The following BACH2 variants were observed in gnomAD, a reference collection of about 807,000 sequenced individuals.
BACH2 encodes BACH transcriptional regulator 2.
A neutral mutation model predicts 61.8 loss-of-function variants in BACH2; 5 were observed. The observed-to-expected ratio is 0.08, with a 90% confidence interval of 0.04 to 0.17. BACH2 has a LOEUF of 0.17. Among genes scored for constraint, BACH2 ranks in the 10% least tolerant of loss-of-function variants. The pLI is 1.00. For synonymous variants in BACH2, 446 were observed against 440.1 expected, an observed-to-expected ratio of 1.01 and a Z score of -0.17; for missense variants, 824 against 1,091.1, an observed-to-expected ratio of 0.76 and a Z score of 3.45.
intron 4 of BACH2, among the ~76,000 whole-genome samples, chr6:90,165,269 AACAG>A (rs1408357275): frequency 7.9e-5 from 12 of 152,200 alleles, no homozygotes; most frequent in Non-Finnish European, 1.5e-4. Flanking sequence ...ATACACCAAT[AACAG>A]ACAAACAGCC....
intron 5 of BACH2, among the ~76,000 whole-genome samples, chr6:90,012,868 G>A (rs1777802703): frequency 6.6e-6 from 1 of 151,894 alleles, no homozygotes; most frequent in Non-Finnish European, 1.5e-5. Flanking sequence ...GGTTTTGCCA[G>A]GTTGGCCAGA....
chr6:90,030,661 T>C (rs1228304187), intron 5 of BACH2, among the ~76,000 whole-genome samples: 3 of 152,056 alleles, frequency 2.0e-5, no homozygotes, highest in African/African-American at 2.4e-5. Flanking sequence ...CAGGAACAAG[T>C]TGAATCTCTG....
intron 2 of BACH2, among the ~76,000 whole-genome samples, chr6:90,265,773 T>C (rs1342617479): frequency 6.6e-6 from 1 of 152,132 alleles, no homozygotes; most frequent in East Asian, 1.9e-4. Flanking sequence ...ATCAACTCAT[T>C]TTAAACTTAA....
intron 1 of BACH2, among the ~76,000 whole-genome samples, chr6:90,295,830 G>A (rs1772343035): frequency 6.6e-6 from 1 of 152,136 alleles, no homozygotes; most frequent in Non-Finnish European, 1.5e-5. Context: ...GGTCTGCGCC[G>A]CGAGGCCCCC....
chr6:90,150,873 C>G (rs1784790034), intron 4 of BACH2, among the ~76,000 whole-genome samples: 2 of 152,170 alleles, frequency 1.3e-5, no homozygotes, highest in African/African-American at 4.8e-5. Flanking sequence ...GGATGTCAGT[C>G]AGTCAGTCAG....
Position 90,127,969 on chromosome 6 carries a change from G to C in BACH2, c.-161-38860C>G, listed in dbSNP as rs1783927328. On this transcript the variant is annotated intron_variant, in intron 4 of 8. Coordinates refer to ENST00000257749, the MANE Select transcript of BACH2 (RefSeq NM_021813.4). ...ATCTATTGAAAGTAAGGTTTGCATG[G>C]AGCTAACCCCAAGGAAAACTGTGGA... Among the ~76,000 whole-genome samples the C allele has an allele frequency of 2.6e-5, 4 of 152,290 alleles. No individual in the cohort carries two copies. In the South Asian group the frequency reaches 8.3e-4, roughly 32 times the overall value.
chr6:90,222,751 C>T (rs1582503816), intron 3 of BACH2, among the ~76,000 whole-genome samples: 1 of 152,034 alleles, frequency 6.6e-6, no homozygotes, highest in East Asian at 1.9e-4. Flanking sequence ...GTCTCCTTGC[C>T]CCTAGTTTCA....
chr6:90,181,727 G>A (rs954607402), intron 4 of BACH2, among the ~76,000 whole-genome samples: 9 of 151,964 alleles, frequency 5.9e-5, no homozygotes, highest in Admixed American at 4.6e-4. Flanking sequence ...GACCAGCTAC[G>A]GCACCACCAT....
chr6:90,238,801 C>T lies in BACH2; in HGVS notation c.-275+13712G>A, dbSNP rs201705680. On this transcript the variant is annotated intron_variant, in intron 3 of 8. Transcript: ENST00000257749. ...CCTGTGACAAGATGGCTGTTTCTCA[C>T]GGTGTAAGAAATGATGATGTGCTTC... Among the ~76,000 whole-genome samples, 8 of 152,208 alleles carry T rather than the reference C, an allele frequency of 5.3e-5. No homozygotes were observed. The East Asian group carries it at 1.4e-3, about 26-fold the overall frequency.
At chr6:90,177,967 A>G (rs1259201978) in intron 4 of BACH2, among the ~76,000 whole-genome samples, 1 of 152,194 alleles carries the variant, frequency 6.6e-6, no homozygotes, top group South Asian at 2.1e-4. Context: ...GAAAATGTCC[A>G]CTTTTGTTCT....
At chr6:90,143,918 A>G (rs540561669) in intron 4 of BACH2, among the ~76,000 whole-genome samples, 43 of 152,098 alleles carry the variant, frequency 2.8e-4, no homozygotes, top group African/African-American at 9.4e-4. Flanking sequence ...GAGATCTGCT[A>G]TGACATTACT....
At chr6:90,147,936 A>G (rs1784680230) in intron 4 of BACH2, among the ~76,000 whole-genome samples, 1 of 152,220 alleles carries the variant, frequency 6.6e-6, no homozygotes, top group Non-Finnish European at 1.5e-5. Context: ...TTAAAACATT[A>G]AATCAAAAGG....
intron 4 of BACH2, among the ~76,000 whole-genome samples, chr6:90,118,942 A>T (rs1783512027): frequency 6.6e-6 from 1 of 152,238 alleles, no homozygotes; most frequent in Non-Finnish European, 1.5e-5. Context: ...TGGAGATAAT[A>T]GTACTTACCA....
chr6:90,291,214 G>A (rs1023397703), intron 1 of BACH2, among the ~76,000 whole-genome samples: 1 of 152,150 alleles, frequency 6.6e-6, no homozygotes, highest in African/African-American at 2.4e-5. Context: ...TTTGGCTGTA[G>A]TTCCAATGAC....
intron 5 of BACH2, among the ~76,000 whole-genome samples, chr6:90,070,344 T>C (rs1781166580): frequency 6.6e-6 from 1 of 152,182 alleles, no homozygotes; most frequent in African/African-American, 2.4e-5. Flanking sequence ...AGGAAGCACA[T>C]GGACTGGGAC....
At chr6:90,274,685 A>G (rs1297188511) in intron 1 of BACH2, among the ~76,000 whole-genome samples, 1 of 152,230 alleles carries the variant, frequency 6.6e-6, no homozygotes, top group Admixed American at 6.5e-5. Flanking sequence ...AACGTATAAA[A>G]GTATATCAGA....
At chr6:90,237,799 A>G (rs1170604920) in intron 3 of BACH2, among the ~76,000 whole-genome samples, 1 of 152,204 alleles carries the variant, frequency 6.6e-6, no homozygotes, top group Non-Finnish European at 1.5e-5. Flanking sequence ...CCACAAGGGG[A>G]TGTTGATCAA....
intron 4 of BACH2, among the ~76,000 whole-genome samples, chr6:90,155,635 A>G (rs1247102809): frequency 6.6e-6 from 1 of 152,206 alleles, no homozygotes; most frequent in South Asian, 2.1e-4. Context: ...GGAGGCCTAC[A>G]ACAAGCACCT....
At chr6:89,969,757 T>C (rs572388152) in intron 6 of BACH2, among the ~76,000 whole-genome samples, 1 of 152,228 alleles carries the variant, frequency 6.6e-6, no homozygotes, top group East Asian at 1.9e-4. Flanking sequence ...AACGATCTGT[T>C]GGGAAGAGGC....
Sources: allele counts gnomAD v4.1 joint callset (sites outside exome capture counted in the v4.1 genomes callset), GRCh38; gene constraint gnomAD v4.1.1; transcripts MANE v1.5; gene names NCBI Gene and HGNC (gene_info 2026-07-23, HGNC 2026-07-21).